VSNL1: variants seen among roughly 807,000 people sequenced by gnomAD.
VSNL1 encodes the protein visinin-like protein 1.
A neutral mutation model predicts 20.4 loss-of-function variants in VSNL1; 6 were observed. The observed-to-expected ratio is 0.29, with a 90% CI of 0.16 to 0.58. The LOEUF (loss-of-function observed/expected upper bound fraction) is 0.58, where lower values mean the gene tolerates loss of function less well. Among genes scored for constraint, VSNL1 ranks in the 20% least tolerant of loss-of-function variants. VSNL1 has a pLI of 0.90. For synonymous variants in VSNL1, 93 were observed against 86.4 expected (o/e 1.08, Z -0.42); for missense variants, 100 against 234.5 (o/e 0.43, Z 3.75).
intron 1 of VSNL1, among the ~76,000 whole-genome samples, chr2:17,589,489 T>A (rs1664551309): frequency 1.3e-5 from 2 of 152,228 alleles, no homozygotes; most frequent in East Asian, 3.9e-4. Flanking sequence ...CAAGGCAAGA[T>A]CTGATGAGGC....
chr2:17,635,171 G>A (rs892300719), intron 2 of VSNL1, among the ~76,000 whole-genome samples: 8 of 152,172 alleles, frequency 5.3e-5, no homozygotes, highest in African/African-American at 1.9e-4. Context: ...GTCCGCCAGA[G>A]GGACTGGGCT....
At chr2:17,564,559 T>A (rs978618527) in intron 1 of VSNL1, among the ~76,000 whole-genome samples, 1 of 152,036 alleles carries the variant, frequency 6.6e-6, no homozygotes, top group Admixed American at 6.6e-5. Context: ...AAAGTGTTAC[T>A]CCCCTTCCAA....
chr2:17,584,900 A>G (rs1198571523), intron 1 of VSNL1, among the ~76,000 whole-genome samples: 1 of 152,114 alleles, frequency 6.6e-6, no homozygotes, highest in African/African-American at 2.4e-5. Context: ...CCTCCTCTAG[A>G]AAACAAAGGG....
chr2:17,584,464 C>T (rs575408477), intron 1 of VSNL1, among the ~76,000 whole-genome samples: 1 of 152,186 alleles, frequency 6.6e-6, no homozygotes, highest in Non-Finnish European at 1.5e-5. Context: ...AGATCAGAGC[C>T]CCTGGACATC....
At chr2:17,552,950 C>A (rs117475919) in intron 1 of VSNL1, among the ~76,000 whole-genome samples, 1 of 152,048 alleles carries the variant, frequency 6.6e-6, no homozygotes, top group South Asian at 2.1e-4. Flanking sequence ...AAATTGTACT[C>A]CTGAGATTAA....
intron 2 of VSNL1, among the ~76,000 whole-genome samples, chr2:17,639,731 C>G (rs1388905166): frequency 1.3e-5 from 2 of 152,172 alleles, no homozygotes; most frequent in Non-Finnish European, 2.9e-5. Context: ...ACTGTGTGCA[C>G]ATCATGTGTG....
At chr2:17,628,560 G>A (rs1415321157) in intron 2 of VSNL1, among the ~76,000 whole-genome samples, 1 of 152,130 alleles carries the variant, frequency 6.6e-6, no homozygotes, top group African/African-American at 2.4e-5. Context: ...TTTGTACCAG[G>A]GAGAAAGATT....
chr2:17,610,394 G>A (rs1665055008), intron 2 of VSNL1, among the ~76,000 whole-genome samples: 1 of 152,126 alleles, frequency 6.6e-6, no homozygotes, highest in African/African-American at 2.4e-5. Flanking sequence ...AAAAATGGGT[G>A]GTGCTGGAAG....
chr2:17,564,158 A>AAG (rs1342427182), intron 1 of VSNL1, among the ~76,000 whole-genome samples: 4 of 152,178 alleles, frequency 2.6e-5, no homozygotes, highest in Non-Finnish European at 5.9e-5. Context: ...GTTCTGGCCT[A>AAG]AATTTCTTTT....
rs76084645 is a variant in VSNL1 at position 17,646,758 on chromosome 2, C to T, written c.163-2652C>T. On this transcript the variant is annotated intron_variant, in intron 2 of 3. Transcript: ENST00000295156. ...TACATTGAGTTAAAAAGAAATTGAACAAGAGTACGCAAAAAAAGAAAAATA... is the reference window on the plus strand; with the variant it reads ...TACATTGAGTTAAAAAGAAATTGAATAAGAGTACGCAAAAAAAGAAAAATA... Among the ~76,000 whole-genome samples the T allele has an allele frequency of 4.3e-3, 647 of 152,184 alleles. 7 individuals carry two copies. The highest frequency in any genetic ancestry group is 0.015 in the African/African-American group (603 of 41,512).
chr2:17,652,959 G>A (rs1666152479), intron 3 of VSNL1, among the ~76,000 whole-genome samples: 1 of 152,158 alleles, frequency 6.6e-6, no homozygotes, highest in Admixed American at 6.5e-5. Context: ...TGAGATCATA[G>A]GGTTCATCTA....
chr2:17,548,033 C>G (rs1238356846), intron 1 of VSNL1, among the ~76,000 whole-genome samples: 1 of 152,088 alleles, frequency 6.6e-6, no homozygotes, highest in South Asian at 2.1e-4. Context: ...CCCACACCTC[C>G]TCTATTTTTC....
intron 1 of VSNL1, among the ~76,000 whole-genome samples, chr2:17,588,792 T>C (rs1664533196): frequency 6.6e-6 from 1 of 152,216 alleles, no homozygotes; most frequent in Non-Finnish European, 1.5e-5. Flanking sequence ...GCCAACTGCA[T>C]TTTATATTTA....
At chr2:17,641,604 GAAATAA>G (rs1044905373) in intron 2 of VSNL1, among the ~76,000 whole-genome samples, 2 of 152,198 alleles carry the variant, frequency 1.3e-5, no homozygotes, top group Non-Finnish European at 2.9e-5. Flanking sequence ...GTATTAGACA[GAAATAA>G]AAAGAGACTT....
chr2:17,555,936 T>C (rs376089293), intron 1 of VSNL1, among the ~76,000 whole-genome samples: 1 of 152,290 alleles, frequency 6.6e-6, no homozygotes, highest in East Asian at 1.9e-4. Flanking sequence ...AAGACAAATA[T>C]CTTTTTTCAA....
At chr2:17,617,826 C>A (rs762151925) in intron 2 of VSNL1, among the ~76,000 whole-genome samples, 41 of 151,762 alleles carry the variant, frequency 2.7e-4, no homozygotes, top group Non-Finnish European at 8.8e-5. Context: ...TTGCCCCCAT[C>A]ATGTGGCACT....
intron 2 of VSNL1, among the ~76,000 whole-genome samples, chr2:17,617,670 G>A (rs1187746113): frequency 2.0e-5 from 3 of 152,050 alleles, no homozygotes; most frequent in Non-Finnish European, 2.9e-5. Context: ...TGGTGCTGCC[G>A]AGAGCTGGGT....
chr2:17,626,321 C>A (rs940366564), intron 2 of VSNL1, among the ~76,000 whole-genome samples: 4 of 152,184 alleles, frequency 2.6e-5, no homozygotes, highest in Non-Finnish European at 5.9e-5. Context: ...TTGTGTAGTA[C>A]CCCTTGGGGC....
intron 2 of VSNL1, among the ~76,000 whole-genome samples, chr2:17,608,171 A>G (rs1664996050): frequency 6.6e-6 from 1 of 152,244 alleles, no homozygotes; most frequent in Non-Finnish European, 1.5e-5. Flanking sequence ...AAATGTGAAC[A>G]CTGAAATGAT....
Sources: allele counts gnomAD v4.1 joint callset (sites outside exome capture counted in the v4.1 genomes callset), GRCh38; gene constraint gnomAD v4.1.1; transcripts MANE v1.5; gene names NCBI Gene and HGNC (gene_info 2026-07-23, HGNC 2026-07-21).